The following CSMD1 variants were observed in gnomAD, a reference collection of about 807,000 sequenced individuals.
CSMD1 encodes CUB and Sushi multiple domains 1, also known as CUB and sushi domain-containing protein 1.
Under a neutral mutation model 417.5 loss-of-function variants are expected in CSMD1, and 213 were observed. That is an observed-to-expected ratio of 0.51 (90% confidence interval 0.46 to 0.57). The LOEUF (loss-of-function observed/expected upper bound fraction) is 0.57. Ranked by LOEUF, CSMD1 falls within the 20% of genes least tolerant of loss-of-function variation. The probability of loss-of-function intolerance (pLI) is 0.00; values close to 1 mark genes in which losing one functional copy is unlikely to be tolerated. For synonymous variants in CSMD1, 2,862 were observed against 1,736.8 expected, an observed-to-expected ratio of 1.65 and a Z score of -16.11; for missense variants, 6,923 against 4,529.7, an observed-to-expected ratio of 1.53 and a Z score of -15.17.
At chr8:4,378,136 A>G (rs767590649) in intron 3 of CSMD1, among the ~76,000 whole-genome samples, 1 of 152,218 alleles carries the variant, frequency 6.6e-6, no homozygotes, top group East Asian at 1.9e-4. Flanking sequence ...TGGAGTGTAC[A>G]TGCTTCAATA....
intron 68 of CSMD1, among the ~76,000 whole-genome samples, chr8:2,944,760 C>A (rs928780836): frequency 2.5e-4 from 38 of 152,104 alleles, no homozygotes; most frequent in Non-Finnish European, 5.9e-5. Context: ...ATTACGATGC[C>A]AAACATTGAT....
intron 23 of CSMD1, among the ~76,000 whole-genome samples, chr8:3,328,933 G>A (rs1349745662): frequency 1.3e-5 from 2 of 152,070 alleles, no homozygotes; most frequent in African/African-American, 4.8e-5. Flanking sequence ...TTATTATAAC[G>A]TGCTTGGGCT....
intron 42 of CSMD1, among the ~76,000 whole-genome samples, chr8:3,116,019 G>A (rs1368819804): frequency 6.6e-6 from 1 of 152,196 alleles, no homozygotes; most frequent in Non-Finnish European, 1.5e-5. Flanking sequence ...GTTTACCGCT[G>A]TCTCTGGGAA....
chr8:3,422,128 G>A (rs902645385), intron 12 of CSMD1, among the ~76,000 whole-genome samples: 4 of 152,006 alleles, frequency 2.6e-5, no homozygotes, highest in Admixed American at 6.5e-5. Flanking sequence ...AAATCTCCAA[G>A]GTCACTCTAC....
Position 4,519,742 on chromosome 8 carries a change from C to CAAAAAAAAAAAAAAAAAAAAAAAAAA in CSMD1, c.303-99703_303-99678dup, listed in dbSNP as rs57747377. On this transcript the variant is annotated intron_variant, in intron 2 of 69. Transcript: ENST00000635120. ...TAGGCAGCAGAGTCAGACTTCATCT[C>CAAAAAAAAAAAAAAAAAAAAAAAAAA]AAAAAAAAAAAAAAAAAAAAAAAAA... Among the ~76,000 whole-genome samples the CAAAAAAAAAAAAAAAAAAAAAAAAAA allele has an allele frequency of 8.7e-5, 7 of 80,392 alleles. 2 individuals are homozygous for CAAAAAAAAAAAAAAAAAAAAAAAAAA. The highest frequency in any genetic ancestry group is 1.6e-4 in the African/African-American group (3 of 19,104). The allele number at this position is 80,392 out of a possible 152,430, so 52.7% of individuals were successfully genotyped here.
At chr8:4,750,712 G>T (rs760472537) in intron 1 of CSMD1, among the ~76,000 whole-genome samples, 4 of 149,734 alleles carry the variant, frequency 2.7e-5, no homozygotes, top group Admixed American at 1.3e-4. Context: ...TTTCCCAATA[G>T]AAACTTGACT....
chr8:2,999,014 T>G (rs1807156946), intron 53 of CSMD1, among the ~76,000 whole-genome samples: 1 of 152,190 alleles, frequency 6.6e-6, no homozygotes, highest in Non-Finnish European at 1.5e-5. Context: ...CTAAAAACAA[T>G]TGGTTTAAGG....
At chr8:3,575,633 T>C (rs1056725865) in intron 9 of CSMD1, among the ~76,000 whole-genome samples, 5 of 152,214 alleles carry the variant, frequency 3.3e-5, no homozygotes, top group Non-Finnish European at 7.3e-5. Context: ...TACAATAAAC[T>C]ATACCAATTT....
rs769836907 is a variant in CSMD1, at chr8:3,096,829, C to T, written c.7138+20G>A. On this transcript the variant is annotated intron_variant, in intron 47 of 69. Coordinates refer to ENST00000635120, the MANE Select transcript of CSMD1 (RefSeq NM_033225.6). The stretch of plus-strand genomic sequence containing the variant: ...CAATGATGCCGAGGTCACTGCTCTA[C>T]AAAGATTAAAGAAACTTACCATCAA... 2 of 1,510,286 alleles carry T rather than the reference C, an allele frequency of 1.3e-6. No homozygotes were observed. Among genetic ancestry groups the T allele is most frequent in the Non-Finnish European group, 9.0e-7 (1 of 1,116,574 alleles). 93.6% of individuals were successfully genotyped at this position (1,510,286 alleles called of 1,614,324 possible).
At chr8:3,706,136 C>T (rs1259300161) in intron 7 of CSMD1, among the ~76,000 whole-genome samples, 8 of 152,252 alleles carry the variant, frequency 5.3e-5, no homozygotes, top group Non-Finnish European at 1.2e-4. Flanking sequence ...CACTTCCCTC[C>T]ATTTACTATG....
At chr8:3,287,592 G>A (rs1364757897) in intron 25 of CSMD1, among the ~76,000 whole-genome samples, 2 of 152,050 alleles carry the variant, frequency 1.3e-5, no homozygotes, top group Non-Finnish European at 2.9e-5. Flanking sequence ...CTCATGATTT[G>A]GCTCTCTGTT....
intron 7 of CSMD1, among the ~76,000 whole-genome samples, chr8:3,683,672 T>G (rs1221077984): frequency 1.3e-5 from 2 of 152,274 alleles, no homozygotes; most frequent in African/African-American, 4.8e-5. Flanking sequence ...TCCTGTGAGG[T>G]TGTCATCTCT....
At chr8:4,522,813 C>A (rs1441512072) in intron 2 of CSMD1, among the ~76,000 whole-genome samples, 1 of 152,118 alleles carries the variant, frequency 6.6e-6, no homozygotes, top group African/African-American at 2.4e-5. Flanking sequence ...GAAATAAGAA[C>A]AGTAAGAATA....
chr8:4,058,679 T>C (rs1455528391), intron 3 of CSMD1, among the ~76,000 whole-genome samples: 1 of 141,870 alleles, frequency 7.0e-6, no homozygotes, highest in Non-Finnish European at 1.5e-5. Context: ...CCAACAAAGA[T>C]CAAAAGAGAC....
chr8:3,614,611 T>C (rs1346280115), intron 8 of CSMD1, among the ~76,000 whole-genome samples: 2 of 152,242 alleles, frequency 1.3e-5, no homozygotes, highest in Non-Finnish European at 2.9e-5. Context: ...AAGAATTTGA[T>C]ATTCTCAGAT....
chr8:4,724,856 G>A (rs1016734367), intron 1 of CSMD1, among the ~76,000 whole-genome samples: 7 of 151,904 alleles, frequency 4.6e-5, no homozygotes, highest in Admixed American at 2.0e-4. Context: ...GAAATCTGAC[G>A]GAAGTATACT....
At chr8:3,730,964 G>A (rs1397471475) in intron 6 of CSMD1, among the ~76,000 whole-genome samples, 1 of 151,960 alleles carries the variant, frequency 6.6e-6, no homozygotes, top group Non-Finnish European at 1.5e-5. Context: ...ATTTTAGTGG[G>A]GAAAATTTAT....
intron 2 of CSMD1, among the ~76,000 whole-genome samples, chr8:4,534,345 A>C (rs1796990454): frequency 6.6e-6 from 1 of 152,220 alleles, no homozygotes; most frequent in African/African-American, 2.4e-5. Context: ...CTTTGAAGCA[A>C]TTTTTGCTAT....
intron 1 of CSMD1, among the ~76,000 whole-genome samples, chr8:4,912,286 A>AAATGAC (rs1196084571): frequency 6.6e-6 from 1 of 152,154 alleles, no homozygotes; most frequent in African/African-American, 2.4e-5. Flanking sequence ...GATTGTACTA[A>AAATGAC]AATGACGTGG....
Sources: allele counts gnomAD v4.1 joint callset (sites outside exome capture counted in the v4.1 genomes callset), GRCh38; gene constraint gnomAD v4.1.1; transcripts MANE v1.5; gene names NCBI Gene and HGNC (gene_info 2026-07-23, HGNC 2026-07-21).